Variants in BTBD9 observed in about 807,000 individuals in gnomAD.
BTBD9 encodes BTB/POZ domain-containing protein 9.
A neutral mutation model predicts 64.3 loss-of-function variants in BTBD9; 49 were observed. The observed-to-expected ratio is 0.76, with a 90% CI of 0.61 to 0.97. BTBD9 has a LOEUF of 0.97. BTBD9 is among the 50% of genes least tolerant of loss of function. The pLI, the probability that BTBD9 is intolerant of heterozygous loss-of-function variation, is 0.00. For synonymous variants in BTBD9, 260 were observed against 274.7 expected (o/e 0.95, Z 0.53); for missense variants, 598 against 762.1 (o/e 0.78, Z 2.53).
rs368577235 is a variant in BTBD9 at position 38,523,679 on chromosome 6, C to T, written c.1154+53921G>A. On this transcript the variant is annotated intron_variant, in intron 6 of 10. Transcript: ENST00000481247. The stretch of plus-strand genomic sequence containing the variant: ...ATAAGTTCTTCCAACAACATTTTAG[C>T]CTACAGTATTTTTTTCATTATCATT... Among the ~76,000 whole-genome samples, 36 of 152,304 alleles carry T rather than the reference C, an allele frequency of 2.4e-4. 1 individual carries two copies. Among genetic ancestry groups the T allele is most frequent in the African/African-American group, 8.4e-4 (35 of 41,556 alleles).
chr6:38,323,185 G>A lies in BTBD9; in HGVS notation c.1264+21799C>T, dbSNP rs114375901. Among the ~76,000 whole-genome samples, 970 of 152,234 alleles carry A rather than the reference G, an allele frequency of 6.4e-3. 6 individuals are homozygous for A. Among genetic ancestry groups the A allele is most frequent in the Non-Finnish European group, 9.4e-3 (641 of 68,016 alleles). ...ATTATGTATCTACTCTAAAATCTTT[G>A]GGTCATGAAATTACACAGCAGCATG... On this transcript the variant is annotated intron_variant, in intron 7 of 10. Transcript: ENST00000481247.
At chr6:38,460,477 G>A (rs899681393) in intron 6 of BTBD9, among the ~76,000 whole-genome samples, 1 of 152,158 alleles carries the variant, frequency 6.6e-6, no homozygotes, top group Non-Finnish European at 1.5e-5. Flanking sequence ...ATTTACTGGT[G>A]TAATATAAGA....
intron 7 of BTBD9, among the ~76,000 whole-genome samples, chr6:38,339,092 A>T (rs1764006154): frequency 6.6e-6 from 1 of 152,214 alleles, no homozygotes; most frequent in African/African-American, 2.4e-5. Flanking sequence ...TTACTCTTTG[A>T]TCATACAATC....
chr6:38,332,269 TAC>T (rs1288844040), intron 7 of BTBD9, among the ~76,000 whole-genome samples: 1 of 152,252 alleles, frequency 6.6e-6, no homozygotes, highest in East Asian at 1.9e-4. Context: ...TACGTATTAA[TAC>T]AGTTTCCTAC....
At chr6:38,587,254 G>C in intron 4 of BTBD9, 1 of 305,028 alleles carries the variant, frequency 3.3e-6, no homozygotes, top group Non-Finnish European at 6.5e-6. Context: ...CTGTGGAGAG[G>C]TGGCGGTGGT....
chr6:38,574,016 A>G (rs1316530295), intron 6 of BTBD9, among the ~76,000 whole-genome samples: 2 of 152,218 alleles, frequency 1.3e-5, no homozygotes, highest in Non-Finnish European at 2.9e-5. Flanking sequence ...CTCAAGGCAT[A>G]TGAAAAACTA....
intron 8 of BTBD9, among the ~76,000 whole-genome samples, chr6:38,272,771 T>C (rs1765238077): frequency 6.6e-6 from 1 of 152,198 alleles, no homozygotes; most frequent in South Asian, 2.1e-4. Flanking sequence ...AGGGTTCCTA[T>C]GAACCTTCTA....
intron 7 of BTBD9, among the ~76,000 whole-genome samples, chr6:38,330,068 A>T (rs228183): frequency 0.6 from 89,402 of 150,166 alleles, 26,974 homozygotes; most frequent in East Asian, 0.85. Context: ...TTTTTGTTTT[A>T]TTTTGAGACA....
At chr6:38,212,272 G>A (rs999791800) in intron 9 of BTBD9, among the ~76,000 whole-genome samples, 1 of 152,140 alleles carries the variant, frequency 6.6e-6, no homozygotes, top group East Asian at 1.9e-4. Flanking sequence ...TGAGGTGGAC[G>A]CAACACTGGG....
intron 6 of BTBD9, among the ~76,000 whole-genome samples, chr6:38,356,031 CT>C (rs1235951549): frequency 6.6e-6 from 1 of 152,110 alleles, no homozygotes; most frequent in African/African-American, 2.4e-5. Context: ...GCCTGTGAAC[CT>C]TCTAGTTTTG....
chr6:38,624,729 A>T (rs1219830714), intron 1 of BTBD9, among the ~76,000 whole-genome samples: 1 of 152,132 alleles, frequency 6.6e-6, no homozygotes, highest in African/African-American at 2.4e-5. Flanking sequence ...ATAATTTATA[A>T]TGAAATAATA....
chr6:38,510,916 G>A (rs147375460), intron 6 of BTBD9, among the ~76,000 whole-genome samples: 1,539 of 152,154 alleles, frequency 0.01, 9 homozygotes, highest in Non-Finnish European at 0.017. Flanking sequence ...GCCTGAGGTC[G>A]TTTTCCGGTT....
At chr6:38,450,763 T>C (rs1051969513) in intron 6 of BTBD9, among the ~76,000 whole-genome samples, 1 of 152,150 alleles carries the variant, frequency 6.6e-6, no homozygotes, top group South Asian at 2.1e-4. Flanking sequence ...CAGAAAATAA[T>C]GCAAGTTCCT....
intron 6 of BTBD9, among the ~76,000 whole-genome samples, chr6:38,512,486 G>C (rs947566708): frequency 6.6e-6 from 1 of 152,158 alleles, no homozygotes; most frequent in Admixed American, 6.5e-5. Context: ...ATCATCTCCA[G>C]TGCTAAGGAA....
intron 6 of BTBD9, among the ~76,000 whole-genome samples, chr6:38,468,494 T>C (rs1770496556): frequency 6.6e-6 from 1 of 152,228 alleles, no homozygotes; most frequent in Admixed American, 6.5e-5. Flanking sequence ...CTAGTATAAA[T>C]ATCGTAAGGA....
chr6:38,575,923 A>G (rs1205470269), intron 6 of BTBD9, among the ~76,000 whole-genome samples: 1 of 152,190 alleles, frequency 6.6e-6, no homozygotes, highest in Non-Finnish European at 1.5e-5. Flanking sequence ...AGGAGAGTAT[A>G]ATAATGCTCA....
In BTBD9 at chr6:38,174,942, C is replaced by T. The variant is rs113397683; in HGVS notation, c.*43G>A. 140 of 1,604,400 alleles carry T rather than the reference C, an allele frequency of 8.7e-5. No individual in the cohort carries two copies. In the African/African-American group the frequency reaches 1.3e-3, roughly 15 times the overall value. ...GCTCAGGGAGGAGACCGTTTCCTGCCGTTGCCCGAGCCCACCAAGTCACAC... is the reference window on the plus strand; with the variant it reads ...GCTCAGGGAGGAGACCGTTTCCTGCTGTTGCCCGAGCCCACCAAGTCACAC... On this transcript the variant is annotated 3_prime_UTR_variant, in exon 11 of 11. Transcript: ENST00000481247.
chr6:38,454,640 T>A (rs950348463), intron 6 of BTBD9, among the ~76,000 whole-genome samples: 3 of 151,434 alleles, frequency 2.0e-5, no homozygotes, highest in Non-Finnish European at 4.4e-5. Context: ...CCACAAAAAA[T>A]TTTAAAAACT....
chr6:38,195,419 G>C (rs894473559), intron 9 of BTBD9, among the ~76,000 whole-genome samples: 1 of 152,188 alleles, frequency 6.6e-6, no homozygotes, highest in African/African-American at 2.4e-5. Flanking sequence ...AGGCATGGCA[G>C]CCCGCCCAGT....
Sources: allele counts gnomAD v4.1 joint callset (sites outside exome capture counted in the v4.1 genomes callset), GRCh38; gene constraint gnomAD v4.1.1; transcripts MANE v1.5; gene names NCBI Gene and HGNC (gene_info 2026-07-23, HGNC 2026-07-21).